The following ACYP2 variants were observed in gnomAD, a reference collection of about 807,000 sequenced individuals.
ACYP2 encodes the protein acylphosphatase-2.
In ACYP2, 12 loss-of-function variants were observed where a neutral mutation model predicts 11.2. The observed-to-expected ratio is 1.08, with a 90% CI of 0.69 to 1.74. ACYP2 has a LOEUF of 1.74. Among genes scored for constraint, ACYP2 ranks in the 40% most tolerant of loss-of-function variants. ACYP2 has a pLI of 0.00. For missense variants in ACYP2, 134 were observed against 101.9 expected, an observed-to-expected ratio of 1.31 and a Z score of -1.35; for synonymous variants, 43 against 32.2, an observed-to-expected ratio of 1.33 and a Z score of -1.13.
chr2:54,267,601 C>A (rs1361061033), intron 6 of ACYP2, among the ~76,000 whole-genome samples: 1 of 152,162 alleles, frequency 6.6e-6, no homozygotes, highest in Non-Finnish European at 1.5e-5. Flanking sequence ...ATTTAAAGAT[C>A]ATTCTGGAAA....
chr2:54,108,397 G>A (rs1293871736), intron 4 of ACYP2, among the ~76,000 whole-genome samples: 3 of 152,198 alleles, frequency 2.0e-5, no homozygotes, highest in Admixed American at 2.0e-4. Context: ...AGACACGAAG[G>A]CCCTTGTTGT....
intron 4 of ACYP2, among the ~76,000 whole-genome samples, chr2:54,083,452 C>G (rs1156968102): frequency 6.6e-6 from 1 of 152,138 alleles, no homozygotes; most frequent in East Asian, 1.9e-4. Context: ...ACAGCTGACC[C>G]AAAATGTTCG....
intron 2 of ACYP2, among the ~76,000 whole-genome samples, chr2:54,042,252 T>TG (rs1675272387): frequency 1.3e-5 from 2 of 152,174 alleles, no homozygotes; most frequent in African/African-American, 4.8e-5. Flanking sequence ...GTGATCCCCC[T>TG]GCCTTGGCCT....
At chr2:54,063,603 C>T (rs1354882019) in intron 4 of ACYP2, among the ~76,000 whole-genome samples, 2 of 152,232 alleles carry the variant, frequency 1.3e-5, no homozygotes, top group African/African-American at 4.8e-5. Flanking sequence ...CTTAATTTCT[C>T]TGCTGAAGGC....
At chr2:54,171,226 T>A (rs1683208940) in intron 6 of ACYP2, among the ~76,000 whole-genome samples, 1 of 152,182 alleles carries the variant, frequency 6.6e-6, no homozygotes, top group African/African-American at 2.4e-5. Flanking sequence ...TCGTGTCTGC[T>A]GTCCAGCCCC....
chr2:54,083,482 G>A (rs1677777055), intron 4 of ACYP2, among the ~76,000 whole-genome samples: 1 of 152,202 alleles, frequency 6.6e-6, no homozygotes, highest in South Asian at 2.1e-4. Context: ...AAACCCAATG[G>A]ATTGCTACTT....
chr2:54,190,729 A>G (rs974068082), intron 6 of ACYP2, among the ~76,000 whole-genome samples: 2 of 151,970 alleles, frequency 1.3e-5, no homozygotes, highest in Non-Finnish European at 2.9e-5. Context: ...TCCTCTATAA[A>G]TGGATATACC....
chr2:54,198,446 G>A (rs1019255282), intron 6 of ACYP2, among the ~76,000 whole-genome samples: 1 of 152,094 alleles, frequency 6.6e-6, no homozygotes, highest in Non-Finnish European at 1.5e-5. Context: ...TACATAGTTT[G>A]TGGGGCCTCC....
At chr2:54,258,373 G>A (rs1383857620) in intron 6 of ACYP2, among the ~76,000 whole-genome samples, 2 of 152,220 alleles carry the variant, frequency 1.3e-5, no homozygotes, top group Admixed American at 6.5e-5. Context: ...GAAGTGCTAA[G>A]CAGAGGCACT....
At chr2:54,271,246 T>A (rs187551891) in intron 6 of ACYP2, among the ~76,000 whole-genome samples, 1 of 152,230 alleles carries the variant, frequency 6.6e-6, no homozygotes, top group African/African-American at 2.4e-5. Flanking sequence ...ATTAGTATTA[T>A]GGGAGGAGCC....
intron 6 of ACYP2, chr2:54,267,282 A>T: frequency 6.5e-7 from 1 of 1,548,196 alleles, no homozygotes; most frequent in Non-Finnish European, 8.7e-7. Context: ...CAGAATTTCC[A>T]TTTGACTTAA....
At chr2:54,292,316 T>A (rs1383094015) in intron 6 of ACYP2, among the ~76,000 whole-genome samples, 4 of 152,174 alleles carry the variant, frequency 2.6e-5, no homozygotes, top group Non-Finnish European at 5.9e-5. Context: ...GCTATGTAGT[T>A]ATTGAACTCT....
rs532615156 is a variant in ACYP2 at position 54,084,615 on chromosome 2, T to C, written c.277+27255T>C. On this transcript the variant is annotated intron_variant, in intron 4 of 6. Coordinates refer to ENST00000607452, the MANE Select transcript of ACYP2 (RefSeq NM_001320586.2). Reference sequence around the variant, plus strand: ...CCTCAGTTTATTTTTTACTCATAAATAACTCAGATTTGATTTCTTCTTATG... The same window carrying C: ...CCTCAGTTTATTTTTTACTCATAAACAACTCAGATTTGATTTCTTCTTATG... The C allele has an allele frequency of 3.3e-5, 5 of 152,350 alleles. No individual in the cohort carries two copies. The South Asian group carries it at 1.0e-3, about 32-fold the overall frequency. 9.4% of individuals were successfully genotyped at this position (152,350 alleles called of 1,614,324 possible). A position where few individuals can be genotyped will look rare whatever the true frequency, so the allele number is the denominator to read the frequency against.
intron 4 of ACYP2, among the ~76,000 whole-genome samples, chr2:54,120,187 C>G (rs1187834819): frequency 6.6e-6 from 1 of 152,060 alleles, no homozygotes; most frequent in Non-Finnish European, 1.5e-5. Flanking sequence ...TCTTTTCATC[C>G]TGTACTTTAA....
intron 1 of ACYP2, among the ~76,000 whole-genome samples, chr2:53,971,989 G>T (rs1376781636): frequency 3.9e-5 from 6 of 152,228 alleles, no homozygotes; most frequent in Non-Finnish European, 8.8e-5. Context: ...GCATAGCAGT[G>T]GGATGATATA....
intron 4 of ACYP2, among the ~76,000 whole-genome samples, chr2:54,129,902 T>C (rs1420344230): frequency 1.3e-5 from 2 of 148,190 alleles, no homozygotes; most frequent in Non-Finnish European, 3.0e-5. Context: ...ATATTATAAA[T>C]GTATAATACA....
chr2:54,254,627 C>T (rs1342141357), intron 6 of ACYP2: 6 of 312,106 alleles, frequency 1.9e-5, no homozygotes, highest in Non-Finnish European at 3.5e-5. Context: ...CGAGTCCAAA[C>T]AAAGGTAAAT....
At chr2:54,271,120 A>C (rs939931575) in intron 6 of ACYP2, among the ~76,000 whole-genome samples, 1 of 152,238 alleles carries the variant, frequency 6.6e-6, no homozygotes, top group Non-Finnish European at 1.5e-5. Flanking sequence ...ACTATGGAAG[A>C]AATTTAGTTT....
chr2:54,232,585 T>C (rs1686284744), intron 6 of ACYP2, among the ~76,000 whole-genome samples: 1 of 152,162 alleles, frequency 6.6e-6, no homozygotes, highest in East Asian at 1.9e-4. Flanking sequence ...GAAATGGGTA[T>C]TAGTCCATTT....
Sources: allele counts gnomAD v4.1 joint callset (sites outside exome capture counted in the v4.1 genomes callset), GRCh38; gene constraint gnomAD v4.1.1; transcripts MANE v1.5; gene names NCBI Gene and HGNC (gene_info 2026-07-23, HGNC 2026-07-21).